The following THSD7B variants were observed in gnomAD, a reference collection of about 807,000 sequenced individuals.
The protein encoded by THSD7B is thrombospondin type 1 domain containing 7B.
A neutral mutation model predicts 213.6 loss-of-function variants in THSD7B; 138 were observed. That is an observed-to-expected ratio of 0.65 (90% CI 0.56 to 0.74). The LOEUF is 0.74. Ranked by LOEUF, THSD7B falls within the 30% of genes least tolerant of loss-of-function variation. THSD7B has a pLI of 0.00. For missense variants in THSD7B, 1,931 were observed against 1,991.5 expected, an observed-to-expected ratio of 0.97 and a Z score of 0.58; for synonymous variants, 742 against 687.0, an observed-to-expected ratio of 1.08 and a Z score of -1.25.
At chr2:137,008,345 T>A (rs1686155064) in intron 2 of THSD7B, among the ~76,000 whole-genome samples, 1 of 151,942 alleles carries the variant, frequency 6.6e-6, no homozygotes, top group Admixed American at 6.6e-5. Flanking sequence ...TTTGAAAAAA[T>A]TAAATAAAAA....
chr2:137,310,547 G>A (rs1558752301), intron 12 of THSD7B, among the ~76,000 whole-genome samples: 2 of 150,994 alleles, frequency 1.3e-5, no homozygotes, highest in Non-Finnish European at 3.0e-5. Context: ...TGTTGCCATT[G>A]CTTTTGGTGT....
chr2:137,573,395 A>G (rs940898225), intron 17 of THSD7B, among the ~76,000 whole-genome samples: 1 of 152,004 alleles, frequency 6.6e-6, no homozygotes, highest in African/African-American at 2.4e-5. Context: ...ATCAGTTAAT[A>G]TCGTATGTTT....
chr2:136,990,352 G>A lies in THSD7B; in HGVS notation c.140-66068G>A, dbSNP rs117533912. Among the ~76,000 whole-genome samples the A allele has an allele frequency of 3.9e-5, 6 of 152,348 alleles. No homozygotes were observed. The East Asian group carries it at 1.2e-3, about 29-fold the overall frequency. ...AGAGACACCTGAGCTGATAGAACAA[G>A]CTGGTGGAGTAGATCGTTGTGTCAG... On this transcript the variant is annotated intron_variant, in intron 2 of 27. Transcript: ENST00000409968.
chr2:137,219,983 G>A (rs1266137202), intron 7 of THSD7B, among the ~76,000 whole-genome samples: 2 of 152,168 alleles, frequency 1.3e-5, no homozygotes, highest in Non-Finnish European at 2.9e-5. Context: ...GTGAAAACTA[G>A]TGTTGGTGTT....
At chr2:136,773,685 C>T (rs995265611) in intron 1 of THSD7B, among the ~76,000 whole-genome samples, 1 of 151,970 alleles carries the variant, frequency 6.6e-6, no homozygotes, top group African/African-American at 2.4e-5. Flanking sequence ...CTGGTGGCCA[C>T]CATATTGAAC....
At chr2:137,581,718 C>A (rs1224862672) in intron 17 of THSD7B, among the ~76,000 whole-genome samples, 1 of 149,118 alleles carries the variant, frequency 6.7e-6, no homozygotes, top group East Asian at 2.0e-4. Flanking sequence ...CGAGATCCCG[C>A]CACTGCACTC....
At chr2:137,587,230 C>T (rs553627677) in intron 17 of THSD7B, among the ~76,000 whole-genome samples, 2 of 152,314 alleles carry the variant, frequency 1.3e-5, no homozygotes, top group Admixed American at 6.5e-5. Context: ...TCTAGTTAGC[C>T]ATTCGTCTAA....
intron 12 of THSD7B, among the ~76,000 whole-genome samples, chr2:137,348,150 C>T (rs940642210): frequency 4.6e-5 from 7 of 151,592 alleles, no homozygotes; most frequent in Admixed American, 1.3e-4. Context: ...TATGAAAGAA[C>T]CAAATGCAAA....
chr2:136,940,475 T>C (rs1436340165), intron 2 of THSD7B, among the ~76,000 whole-genome samples: 3 of 149,974 alleles, frequency 2.0e-5, no homozygotes, highest in Non-Finnish European at 2.9e-5. Context: ...AGTCTTAAGT[T>C]TGATAATTTT....
At chr2:136,956,922 C>T (rs1685136264) in intron 2 of THSD7B, among the ~76,000 whole-genome samples, 2 of 152,086 alleles carry the variant, frequency 1.3e-5, no homozygotes, top group South Asian at 4.1e-4. Context: ...TCGTGATCTG[C>T]CTGCCTCAGC....
intron 12 of THSD7B, among the ~76,000 whole-genome samples, chr2:137,371,423 A>G (rs754195966): frequency 4.4e-4 from 67 of 152,200 alleles, no homozygotes; most frequent in Non-Finnish European, 8.7e-4. Flanking sequence ...CTAAATTTCA[A>G]TGGAGACAAG....
chr2:137,154,885 C>G (rs1460419947), intron 5 of THSD7B, among the ~76,000 whole-genome samples: 1 of 151,978 alleles, frequency 6.6e-6, no homozygotes, highest in Admixed American at 6.6e-5. Flanking sequence ...TAAACATATC[C>G]CCTACCCAGC....
chr2:136,998,261 C>CAAAAAAAAAAAAAAAAAAACA (rs1685930704), intron 2 of THSD7B, among the ~76,000 whole-genome samples: 1 of 98,402 alleles, frequency 1.0e-5, no homozygotes, highest in East Asian at 2.7e-4. Context: ...ACTAAAAGGC[C>CAAAAAAAAAAAAAAAAAAACA]AAAAAAAAAA....
At position 137,233,049 on chromosome 2, in the gene THSD7B, A is replaced by G; in HGVS notation, c.2066A>G (p.Asn689Ser). 6.2e-7 allele frequency: 1 copy of G among 1,613,930 alleles called. No individual in the cohort carries two copies. The highest frequency in any genetic ancestry group is 1.1e-5 in the South Asian group (1 of 91,084). ...GCCCTTAATGCAACCATTGGCTGGA[A>G]TGGAGAAGCCACGTGTGGTGTAGGC... ...VTALNATIGW[N>S]GEATCGVGIQ... is the part of the protein sequence containing the mutation. The change falls in exon 9 of 28, where the codon AAT becomes AGT. Residue 689 changes from asparagine (N) to serine (S), a missense_variant. By Grantham distance (46) the Asn-to-Ser change is conservative. Coordinates refer to ENST00000409968, the MANE Select transcript of THSD7B (RefSeq NM_001316349.2).
intron 27 of THSD7B, among the ~76,000 whole-genome samples, chr2:137,672,207 C>A (rs1054194584): frequency 6.6e-5 from 10 of 152,074 alleles, no homozygotes; most frequent in African/African-American, 2.4e-4. Flanking sequence ...ATATTACATA[C>A]ATTGCCTTAT....
At chr2:136,970,189 C>T (rs759329177) in intron 2 of THSD7B, among the ~76,000 whole-genome samples, 1 of 152,076 alleles carries the variant, frequency 6.6e-6, no homozygotes, top group Non-Finnish European at 1.5e-5. Flanking sequence ...AATGGCCAGG[C>T]ATGGTGGCTC....
At chr2:137,399,766 C>T (rs1012121336) in intron 12 of THSD7B, among the ~76,000 whole-genome samples, 1 of 152,066 alleles carries the variant, frequency 6.6e-6, no homozygotes, top group Non-Finnish European at 1.5e-5. Context: ...ATGTTTTCAT[C>T]AGTTATTTCC....
chr2:137,075,843 G>A (rs536944268), intron 3 of THSD7B, among the ~76,000 whole-genome samples: 6 of 152,282 alleles, frequency 3.9e-5, no homozygotes, highest in Admixed American at 2.0e-4. Flanking sequence ...GAGTTTGCTG[G>A]AGGTCCACTC....
chr2:137,592,552 C>A (rs1449000085), intron 17 of THSD7B, among the ~76,000 whole-genome samples: 1 of 151,880 alleles, frequency 6.6e-6, no homozygotes, highest in Non-Finnish European at 1.5e-5. Flanking sequence ...TTAGTGCATT[C>A]TGAGACTATA....
Sources: allele counts gnomAD v4.1 joint callset (sites outside exome capture counted in the v4.1 genomes callset), GRCh38; gene constraint gnomAD v4.1.1; transcripts MANE v1.5; gene names NCBI Gene and HGNC (gene_info 2026-07-23, HGNC 2026-07-21).